TNS1: variants seen among roughly 807,000 people sequenced by gnomAD.
The protein encoded by TNS1 is tensin-1.
In TNS1, 62 loss-of-function variants were observed where a neutral mutation model predicts 168.6. The observed-to-expected ratio is 0.37, with a 90% confidence interval of 0.30 to 0.45. The LOEUF is 0.45. TNS1 is among the 20% of genes least tolerant of loss of function. The probability of loss-of-function intolerance (pLI) is 1.00; values close to 1 mark genes in which losing one functional copy is unlikely to be tolerated. For synonymous variants in TNS1, 934 were observed against 933.2 expected, an observed-to-expected ratio of 1.00 and a Z score of -0.02; for missense variants, 2,240 against 2,339.4, an observed-to-expected ratio of 0.96 and a Z score of 0.88.
intron 22 of TNS1, among the ~76,000 whole-genome samples, chr2:217,828,390 T>C (rs780188637): frequency 6.6e-6 from 1 of 151,996 alleles, no homozygotes; most frequent in Non-Finnish European, 1.5e-5. Context: ...AAAATCAAGG[T>C]GGTGTGGTCA....
intron 10 of TNS1, among the ~76,000 whole-genome samples, 170 bp from the exon 11 acceptor site, chr2:217,893,182 A>G (rs1324020396): frequency 2.0e-5 from 3 of 152,146 alleles, no homozygotes; most frequent in Non-Finnish European, 4.4e-5. Flanking sequence ...GGTGGGGACT[A>G]AGTCTCAGAA....
At position 217,893,370 on chromosome 2, in the gene TNS1, GCACA is replaced by G. The variant is rs1238815462; in HGVS notation, c.717+65_717+68del. 6 of 1,505,634 alleles carry G rather than the reference GCACA, an allele frequency of 4.0e-6. No homozygotes were observed. The East Asian group carries it at 1.2e-4, about 30-fold the overall frequency. The allele number at this position is 1,505,634 out of a possible 1,614,324, so 93.3% of individuals were successfully genotyped here. On this transcript the variant is annotated intron_variant, in intron 10 of 32. Coordinates refer to ENST00000682258, the MANE Select transcript of TNS1 (RefSeq NM_001387777.1). ...CACAATCATCCAAGGACACATTCAGGCACACACACATGTGCGCATGTGCGCGCGC... is the reference window on the plus strand; with the variant it reads ...CACAATCATCCAAGGACACATTCAGGCACACATGTGCGCATGTGCGCGCGC...
chr2:217,922,771 G>A (rs763657273), intron 3 of TNS1, among the ~76,000 whole-genome samples: 33 of 152,252 alleles, frequency 2.2e-4, no homozygotes, highest in South Asian at 1.0e-3. Flanking sequence ...CTGGCCCTGC[G>A]GGGGAGCTGT....
At chr2:217,956,176 T>C (rs1305146097) in intron 3 of TNS1, among the ~76,000 whole-genome samples, 1 of 152,124 alleles carries the variant, frequency 6.6e-6, no homozygotes, top group Admixed American at 6.5e-5. Flanking sequence ...TAAAAAGAAT[T>C]TTTTTTAATA....
At chr2:217,834,956 G>T in intron 21 of TNS1, 135 bp downstream of exon 21, 1 of 647,558 alleles carries the variant, frequency 1.5e-6, no homozygotes, top group Non-Finnish European at 2.6e-6. Flanking sequence ...CCATGGGAGT[G>T]AGGAGCAGCA....
At chr2:218,004,438 C>T (rs1386986594), upstream of TNS1, among the ~76,000 whole-genome samples, 2 of 152,164 alleles carry the variant, frequency 1.3e-5, no homozygotes, top group Non-Finnish European at 1.5e-5. Flanking sequence ...CAACTACCAG[C>T]CTCCTCTTTC....
At chr2:217,892,407 C>T (rs1441480723) in intron 11 of TNS1, among the ~76,000 whole-genome samples, 2 of 152,188 alleles carry the variant, frequency 1.3e-5, no homozygotes, top group Non-Finnish European at 2.9e-5. Context: ...CAGCCATATT[C>T]CTTGTTGAGT....
rs140666649 is a variant in TNS1, at chr2:217,971,486, G to A, written c.186+7279C>T. 2.7e-3 allele frequency among the ~76,000 whole-genome samples: 414 copies of A among 152,276 alleles called. 2 individuals carry two copies. The highest frequency in any genetic ancestry group is 9.1e-3 in the African/African-American group (380 of 41,544). ...CCATTTACCTGTCATTGAATATAAA[G>A]GTTCGTTCCAGTTTGGGGCTATTGG... is the stretch of plus-strand genomic sequence containing the variant. On this transcript the variant is annotated intron_variant, in intron 3 of 32. Coordinates refer to ENST00000682258, the MANE Select transcript of TNS1 (RefSeq NM_001387777.1).
chr2:217,842,909 C>G (rs1024377020), intron 19 of TNS1, among the ~76,000 whole-genome samples: 2 of 152,140 alleles, frequency 1.3e-5, no homozygotes, highest in African/African-American at 4.8e-5. Flanking sequence ...CCAGCCACCC[C>G]CTACCTCTCA....
intron 3 of TNS1, among the ~76,000 whole-genome samples, chr2:217,957,371 A>G (rs528929078): frequency 6.6e-6 from 1 of 152,258 alleles, no homozygotes; most frequent in East Asian, 1.9e-4. Flanking sequence ...CCCCTTCCAG[A>G]GCCCCCTCTC....
intron 2 of TNS1, among the ~76,000 whole-genome samples, chr2:217,988,856 A>G (rs1308810339): frequency 6.6e-6 from 1 of 152,102 alleles, no homozygotes; most frequent in Non-Finnish European, 1.5e-5. Context: ...TCCTCTGTAA[A>G]ACGGGGATGA....
chr2:217,911,638 G>A (rs138471173), intron 4 of TNS1, among the ~76,000 whole-genome samples: 54 of 152,308 alleles, frequency 3.5e-4, no homozygotes, highest in African/African-American at 1.2e-3. Context: ...ACCCTGGGAG[G>A]CGAGCATTAC....
intron 3 of TNS1, among the ~76,000 whole-genome samples, chr2:217,961,542 C>T (rs1017787420): frequency 1.3e-5 from 2 of 152,172 alleles, no homozygotes; most frequent in African/African-American, 4.8e-5. Flanking sequence ...TGATCCCCTA[C>T]ATACCCAGGA....
At chr2:217,940,469 G>T (rs1464719574) in intron 3 of TNS1, among the ~76,000 whole-genome samples, 3 of 152,122 alleles carry the variant, frequency 2.0e-5, no homozygotes, top group African/African-American at 7.2e-5. Flanking sequence ...GGTGCCTCAG[G>T]CTCACGGCAC....
intron 27 of TNS1, among the ~76,000 whole-genome samples, chr2:217,812,905 T>C (rs1941221666): frequency 6.6e-6 from 1 of 152,154 alleles, no homozygotes; most frequent in South Asian, 2.1e-4. Flanking sequence ...CCAGATGTGA[T>C]AGAAGGTGCT....
chr2:217,968,991 T>C (rs537561860), intron 3 of TNS1, among the ~76,000 whole-genome samples: 63 of 152,172 alleles, frequency 4.1e-4, no homozygotes, highest in Admixed American at 9.8e-4. Context: ...GAGTCACCAC[T>C]CCCAGCCTCA....
intron 1 of TNS1, among the ~76,000 whole-genome samples, chr2:217,994,741 T>C (rs888477732): frequency 6.6e-6 from 1 of 152,152 alleles, no homozygotes; most frequent in Non-Finnish European, 1.5e-5. Context: ...TTACAAAATA[T>C]TTCCCCCCTG....
intron 3 of TNS1, among the ~76,000 whole-genome samples, chr2:217,941,423 C>T (rs1338244692): frequency 1.3e-5 from 2 of 152,240 alleles, no homozygotes; most frequent in Non-Finnish European, 2.9e-5. Flanking sequence ...AGAACCTTTG[C>T]AGGAAGCAGC....
intron 3 of TNS1, among the ~76,000 whole-genome samples, chr2:217,933,290 A>G (rs1956421372): frequency 2.6e-5 from 4 of 152,222 alleles, no homozygotes; most frequent in Non-Finnish European, 4.4e-5. Context: ...CTCGGAAAAC[A>G]CTGAGAGATT....
Sources: gnomAD v4.1 joint callset for allele counts (sites outside exome capture counted in the v4.1 genomes callset) on GRCh38, gnomAD v4.1.1 for gene constraint, MANE v1.5 for transcripts, NCBI Gene and HGNC (gene_info 2026-07-23, HGNC 2026-07-21) for gene names.